The following BCAS4 variants were observed in gnomAD, a reference collection of about 807,000 sequenced individuals.
The protein encoded by BCAS4 is breast carcinoma amplified sequence 4, also known as breast carcinoma-amplified sequence 4.
BCAS4 carries 9 observed loss-of-function variants against 15.7 expected under a neutral mutation model. That is an observed-to-expected ratio of 0.57 (90% confidence interval 0.34 to 1.00). The LOEUF (loss-of-function observed/expected upper bound fraction) is 1.00, where lower values mean the gene tolerates loss of function less well. BCAS4 is among the 50% of genes least tolerant of loss of function. BCAS4 has a pLI of 0.02. For missense variants in BCAS4, 225 were observed against 239.1 expected (o/e 0.94, Z 0.39); for synonymous variants, 101 against 99.5 (o/e 1.02, Z -0.09).
intron 4 of BCAS4, among the ~76,000 whole-genome samples, chr20:50,864,077 A>G (rs546623869): frequency 1.3e-5 from 2 of 152,274 alleles, no homozygotes; most frequent in Non-Finnish European, 2.9e-5. Context: ...TCCTCGAGTC[A>G]TCCTTTTGAC....
intron 4 of BCAS4, chr20:50,876,197 TGCCTTG>T (rs1422846501): frequency 2.5e-6 from 1 of 399,412 alleles, no homozygotes; most frequent in African/African-American, 2.1e-5. Flanking sequence ...GTGATCCGCC[TGCCTTG>T]GCCTCCCAAA....
chr20:50,818,157 G>A, intron 1 of BCAS4, 54 bp from the exon 2 acceptor site: 1 of 1,508,422 alleles, frequency 6.6e-7, no homozygotes. Context: ...AATGAAGGGT[G>A]TTTGTCTCCC....
chr20:50,799,156 C>G (rs1256256041), intron 1 of BCAS4, among the ~76,000 whole-genome samples: 1 of 152,176 alleles, frequency 6.6e-6, no homozygotes, highest in East Asian at 1.9e-4. Context: ...AGCGACATGT[C>G]ATTGTGCCCA....
At chr20:50,831,085 G>A (rs754715917) in intron 3 of BCAS4, among the ~76,000 whole-genome samples, 8 of 152,048 alleles carry the variant, frequency 5.3e-5, no homozygotes, top group Non-Finnish European at 1.0e-4. Flanking sequence ...CCCAAATTGA[G>A]AGAGAGAACA....
At chr20:50,870,642 T>C (rs1979591673) in intron 4 of BCAS4, among the ~76,000 whole-genome samples, 1 of 152,172 alleles carries the variant, frequency 6.6e-6, no homozygotes, top group Non-Finnish European at 1.5e-5. Context: ...AGTTGCCCAA[T>C]GGTCTGATTT....
At chr20:50,832,702 T>C (rs1471289453) in intron 3 of BCAS4, 1 of 152,416 alleles carries the variant, frequency 6.6e-6, no homozygotes, top group Non-Finnish European at 1.5e-5. Context: ...TTTCTTGCCT[T>C]TTCCAGATTC....
chr20:50,807,910 T>C (rs1402003197), intron 1 of BCAS4, among the ~76,000 whole-genome samples: 1 of 150,554 alleles, frequency 6.6e-6, no homozygotes, highest in African/African-American at 2.4e-5. Context: ...TTCTTTTTTT[T>C]TTTTTTTTTT....
downstream of BCAS4, chr20:50,879,232 G>A (rs978229516): frequency 5.9e-5 from 9 of 152,332 alleles, no homozygotes; most frequent in African/African-American, 2.2e-4. Context: ...TGGATGGAAA[G>A]TTGGCCGGGT....
intron 2 of BCAS4, among the ~76,000 whole-genome samples, chr20:50,822,087 G>A (rs1238541691): frequency 1.3e-5 from 2 of 152,180 alleles, no homozygotes; most frequent in African/African-American, 4.8e-5. Context: ...CATTTGAGTC[G>A]AAGCTGGCTC....
At chr20:50,807,306 C>A (rs892149403) in intron 1 of BCAS4, among the ~76,000 whole-genome samples, 2 of 152,056 alleles carry the variant, frequency 1.3e-5, no homozygotes, top group Non-Finnish European at 2.9e-5. Flanking sequence ...GATCCTCCCA[C>A]CCCAGCCTCC....
intron 2 of BCAS4, among the ~76,000 whole-genome samples, chr20:50,826,063 G>A (rs957577674): frequency 4.6e-5 from 7 of 152,086 alleles, no homozygotes; most frequent in African/African-American, 1.4e-4. Flanking sequence ...TCACTCCCCC[G>A]ATTTGTTTCT....
chr20:50,816,582 G>A (rs2088139877), intron 1 of BCAS4, among the ~76,000 whole-genome samples: 1 of 152,164 alleles, frequency 6.6e-6, no homozygotes. Context: ...GACTGGATGA[G>A]CACCTCTCAG....
At chr20:50,813,956 C>T (rs1251016635) in intron 1 of BCAS4, among the ~76,000 whole-genome samples, 1 of 152,072 alleles carries the variant, frequency 6.6e-6, no homozygotes, top group Non-Finnish European at 1.5e-5. Context: ...TTGCGAAGAA[C>T]AGCGAGGGCA....
At chr20:50,825,410 A>G (rs1320744269) in intron 2 of BCAS4, among the ~76,000 whole-genome samples, 1 of 152,176 alleles carries the variant, frequency 6.6e-6, no homozygotes, top group Admixed American at 6.5e-5. Flanking sequence ...TTCCCAGCCC[A>G]GGGTGGAACC....
intron 4 of BCAS4, among the ~76,000 whole-genome samples, chr20:50,873,981 C>T (rs995104085): frequency 3.3e-5 from 5 of 152,220 alleles, no homozygotes; most frequent in Admixed American, 6.5e-5. Context: ...GCAACAGGCT[C>T]GGTGTGATGT....
intron 4 of BCAS4, among the ~76,000 whole-genome samples, chr20:50,859,633 G>A (rs891051523): frequency 6.6e-6 from 1 of 151,892 alleles, no homozygotes; most frequent in Admixed American, 6.6e-5. Context: ...TACTGGGACC[G>A]CTCTGCTGCA....
chr20:50,817,494 G>A (rs961129295), intron 1 of BCAS4, among the ~76,000 whole-genome samples: 8 of 152,022 alleles, frequency 5.3e-5, no homozygotes, highest in African/African-American at 1.7e-4. Context: ...ACGGAGTCTC[G>A]CTCTGTTGCC....
At chr20:50,866,512 C>T (rs1362724669) in intron 4 of BCAS4, among the ~76,000 whole-genome samples, 1 of 152,250 alleles carries the variant, frequency 6.6e-6, no homozygotes. Context: ...GAAATAGGCA[C>T]TCAATGTTTA....
intron 4 of BCAS4, 107 bp downstream of exon 4, chr20:50,842,007 T>G: frequency 7.4e-7 from 1 of 1,358,490 alleles, no homozygotes; most frequent in Non-Finnish European, 9.7e-7. Flanking sequence ...GGGGCACATT[T>G]CACTTCTGCA....
Sources: allele counts gnomAD v4.1 joint callset (sites outside exome capture counted in the v4.1 genomes callset), GRCh38; gene constraint gnomAD v4.1.1; transcripts MANE v1.5; gene names NCBI Gene and HGNC (gene_info 2026-07-23, HGNC 2026-07-21).